COL28A1: variants seen among roughly 807,000 people sequenced by gnomAD.
The protein encoded by COL28A1 is collagen alpha-1(XXVIII) chain.
COL28A1 carries 161 observed loss-of-function variants against 150.2 expected under a neutral mutation model. The ratio of observed to expected loss-of-function variants is 1.07; its 90% CI spans 0.94 to 1.22. COL28A1 has a LOEUF of 1.22. Ranked by LOEUF, COL28A1 falls within the 50% of genes most tolerant of loss-of-function variation. The probability of loss-of-function intolerance (pLI) is 0.00; values close to 1 mark genes in which losing one functional copy is unlikely to be tolerated. For synonymous variants in COL28A1, 552 were observed against 469.7 expected, an observed-to-expected ratio of 1.18 and a Z score of -2.26; for missense variants, 1,617 against 1,388.3, an observed-to-expected ratio of 1.16 and a Z score of -2.62.
intron 27 of COL28A1, among the ~76,000 whole-genome samples, chr7:7,385,922 C>G (rs575024785): frequency 6.6e-6 from 1 of 152,272 alleles, no homozygotes; most frequent in South Asian, 2.1e-4. Context: ...CAAGTAAATC[C>G]ATGTCTGATC....
At chr7:7,520,003 TAA>T in intron 6 of COL28A1, 57 bp downstream of exon 6, 1 of 828,298 alleles carries the variant, frequency 1.2e-6, no homozygotes, top group Non-Finnish European at 2.0e-6. Flanking sequence ...ATTGTTGTTT[TAA>T]AAAAAAAGTC....
At chr7:7,475,546 T>C (rs1438360640) in intron 14 of COL28A1, among the ~76,000 whole-genome samples, 1 of 152,212 alleles carries the variant, frequency 6.6e-6, no homozygotes, top group Non-Finnish European at 1.5e-5. Flanking sequence ...TACAAGAGTA[T>C]CAATAAAGTA....
intron 25 of COL28A1, among the ~76,000 whole-genome samples, chr7:7,422,269 T>C (rs1046684271): frequency 1.3e-5 from 2 of 152,032 alleles, no homozygotes; most frequent in South Asian, 4.1e-4. Context: ...CCACCCCAGA[T>C]TTGGTGGCTT....
At chr7:7,484,543 AAAT>A (rs146016587) in intron 13 of COL28A1, among the ~76,000 whole-genome samples, 2,686 of 152,282 alleles carry the variant, frequency 0.018, 85 homozygotes, top group African/African-American at 0.06. Flanking sequence ...AAAAGTTCAA[AAAT>A]AATAATAAAT....
In COL28A1 at chr7:7,358,268, G is replaced by A. The variant is rs981765556; in HGVS notation, c.*365C>T. 2 of 160,144 alleles carry A rather than the reference G, an allele frequency of 1.2e-5. No individual in the cohort carries two copies. Among genetic ancestry groups the A allele is most frequent in the Non-Finnish European group, 2.7e-5 (2 of 73,602 alleles). 9.9% of individuals were successfully genotyped at this position (160,144 alleles called of 1,614,324 possible). ...GGGTGGAGGTATGGGCAGGGACAGG[G>A]GTAGGGGTTTGAGCTGACATAGTAC... On this transcript the variant is annotated 3_prime_UTR_variant, in exon 35 of 35. Coordinates refer to ENST00000399429, the MANE Select transcript of COL28A1 (RefSeq NM_001037763.3).
intron 8 of COL28A1, among the ~76,000 whole-genome samples, chr7:7,513,041 G>A (rs1016301247): frequency 6.6e-6 from 1 of 152,176 alleles, no homozygotes; most frequent in Non-Finnish European, 1.5e-5. Context: ...TTTATATGCT[G>A]GCGGAAGCTT....
At chr7:7,380,509 C>T in intron 30 of COL28A1, 151 bp downstream of exon 30, 3 of 669,864 alleles carry the variant, frequency 4.5e-6, no homozygotes, top group Non-Finnish European at 7.8e-6. Flanking sequence ...CCTCATGCAT[C>T]TAAGCCAACA....
At chr7:7,517,890 T>C (rs1370193528) in intron 6 of COL28A1, 53 bp from the exon 7 acceptor site, 10 of 1,610,742 alleles carry the variant, frequency 6.2e-6, no homozygotes, top group African/African-American at 5.4e-5. Context: ...AGTGACTGAT[T>C]GCTCAATAAA....
At chr7:7,340,689 T>C in the COL28A1 span, among the ~76,000 whole-genome samples, 1 of 152,070 alleles carries the variant, frequency 6.6e-6, no homozygotes, top group Non-Finnish European at 1.5e-5. Flanking sequence ...TCATCTCTAA[T>C]CTGTGTTTTT....
chr7:7,392,262 T>A (rs1782589454), intron 27 of COL28A1, among the ~76,000 whole-genome samples: 1 of 152,180 alleles, frequency 6.6e-6, no homozygotes, highest in Non-Finnish European at 1.5e-5. Flanking sequence ...GATATGAAAT[T>A]CTGGGTTGAA....
intron 33 of COL28A1, among the ~76,000 whole-genome samples, chr7:7,363,795 A>AC (rs1407192918): frequency 6.6e-6 from 1 of 151,956 alleles, no homozygotes; most frequent in Non-Finnish European, 1.5e-5. Context: ...ACTCTATAAC[A>AC]TTTATTATTA....
intron 31 of COL28A1, 110 bp downstream of exon 31, chr7:7,375,351 T>A (rs1781484686): frequency 9.7e-7 from 1 of 1,028,472 alleles, no homozygotes; most frequent in Non-Finnish European, 1.3e-6. Context: ...AGCTTCACAT[T>A]TTCCCGCTAG....
At chr7:7,441,310 A>G (rs1435046617) in intron 20 of COL28A1, among the ~76,000 whole-genome samples, 1 of 152,152 alleles carries the variant, frequency 6.6e-6, no homozygotes, top group African/African-American at 2.4e-5. Context: ...GGGGAGTCTA[A>G]TTCTTTCCCC....
At chr7:7,417,520 AGGGGGGAGGGAGGGAGGGAG>A (rs1784152623) in intron 27 of COL28A1, 2 of 135,454 alleles carry the variant, frequency 1.5e-5, no homozygotes, top group Non-Finnish European at 2.3e-5. Context: ...GGAAGGAGGG[AGGGGGGAGGGAGGGAGGGAG>A]GGGGGGGGGA....
chr7:7,399,704 G>A (rs1215726546), intron 27 of COL28A1, among the ~76,000 whole-genome samples: 1 of 152,214 alleles, frequency 6.6e-6, no homozygotes, highest in East Asian at 1.9e-4. Flanking sequence ...TGGGTCAATT[G>A]AAAGAAGTGT....
intron 15 of COL28A1, among the ~76,000 whole-genome samples, chr7:7,466,085 A>G (rs1162434787): frequency 7.4e-6 from 1 of 135,730 alleles, no homozygotes; most frequent in Non-Finnish European, 1.6e-5. Context: ...CTCACCAGCA[A>G]CAGAACAAAG....
chr7:7,392,550 A>T (rs1198014224), intron 27 of COL28A1, among the ~76,000 whole-genome samples: 1 of 152,160 alleles, frequency 6.6e-6, no homozygotes, highest in Non-Finnish European at 1.5e-5. Flanking sequence ...GTTCTCCTGG[A>T]TAATATCCTA....
Position 7,358,642 on chromosome 7 carries a change from A to C in COL28A1, c.3369T>G (p.Ile1123Met). The C allele has an allele frequency of 6.2e-7, 1 of 1,613,832 alleles. No homozygotes were observed. The highest frequency in any genetic ancestry group is 8.5e-7 in the Non-Finnish European group (1 of 1,179,876). ...NSEKECQETC[I>M]QG ...AGGCCAATTTACTTGCTCATCCTTG[A>C]ATGCAGGTTTCTTGACATTCCTTTT... Residue 1123 changes from isoleucine to methionine, a missense_variant, in exon 35 of 35, where the codon ATT becomes ATG. By Grantham distance (10) the Ile-to-Met change is conservative. Transcript: ENST00000399429.
At chr7:7,345,868 T>C in the COL28A1 span, among the ~76,000 whole-genome samples, 1 of 152,086 alleles carries the variant, frequency 6.6e-6, no homozygotes, top group Non-Finnish European at 1.5e-5. Flanking sequence ...TTCACCCTGC[T>C]TGAGATTCTT....
Sources: allele counts gnomAD v4.1 joint callset (sites outside exome capture counted in the v4.1 genomes callset), GRCh38; gene constraint gnomAD v4.1.1; transcripts MANE v1.5; gene names NCBI Gene and HGNC (gene_info 2026-07-23, HGNC 2026-07-21).